The following FXR1 variants were observed in gnomAD, a reference collection of about 807,000 sequenced individuals.
The protein encoded by FXR1 is FMR1 autosomal homolog 1, also known as RNA-binding protein FXR1.
Under a neutral mutation model 84.0 loss-of-function variants are expected in FXR1, and 15 were observed. The ratio of observed to expected loss-of-function variants is 0.18; its 90% confidence interval spans 0.12 to 0.27. FXR1 has a LOEUF of 0.27. FXR1 is among the 10% of genes least tolerant of loss of function. The pLI is 1.00. For synonymous variants in FXR1, 245 were observed against 250.7 expected (o/e 0.98, Z 0.21); for missense variants, 480 against 774.4 (o/e 0.62, Z 4.51).
chr3:180,963,109 T>A lies in FXR1; in HGVS notation c.1198+19T>A, dbSNP rs988654225. The A allele has an allele frequency of 2.6e-6, 3 of 1,158,578 alleles. No individual in the cohort carries two copies. The highest frequency in any genetic ancestry group is 3.8e-6 in the Non-Finnish European group (3 of 793,068). The allele number at this position is 1,158,578 out of a possible 1,614,324, so 71.8% of individuals were successfully genotyped here. ...GGTTATGGTAAAAAAAAATTTTTTT[T>A]TTTTTTTTTTGGTAATAGTAATAAT... On this transcript the variant is annotated intron_variant, in intron 13 of 16. Transcript: ENST00000357559.
intron 1 of FXR1, among the ~76,000 whole-genome samples, chr3:180,922,827 T>C (rs941058831): frequency 1.3e-5 from 2 of 152,184 alleles, no homozygotes; most frequent in Non-Finnish European, 2.9e-5. Flanking sequence ...TTGCCCAGGC[T>C]GGCCTCCAAC....
At chr3:180,931,252 G>C (rs1312469419) in intron 1 of FXR1, among the ~76,000 whole-genome samples, 1 of 151,928 alleles carries the variant, frequency 6.6e-6, no homozygotes, top group Non-Finnish European at 1.5e-5. Flanking sequence ...GAGTTTTGCT[G>C]TTGTCGCCCA....
intron 1 of FXR1, among the ~76,000 whole-genome samples, chr3:180,920,851 T>G (rs2108425257): frequency 6.6e-6 from 1 of 152,274 alleles, no homozygotes; most frequent in South Asian, 2.1e-4. Context: ...GTTAACTTAT[T>G]CCATTTCAAA....
intron 1 of FXR1, among the ~76,000 whole-genome samples, chr3:180,931,671 T>A (rs1719915360): frequency 6.6e-6 from 1 of 151,912 alleles, no homozygotes; most frequent in Non-Finnish European, 1.5e-5. Context: ...CAGTTTATAT[T>A]TTATAGTCTT....
At chr3:180,970,638 G>A (rs1413871288) in intron 15 of FXR1, 1 of 153,182 alleles carries the variant, frequency 6.5e-6, no homozygotes, top group Non-Finnish European at 1.4e-5. Flanking sequence ...AGCTGGCAAG[G>A]TACTTAGTGC....
chr3:180,966,946 A>C (rs536101877), intron 13 of FXR1, among the ~76,000 whole-genome samples: 3 of 152,354 alleles, frequency 2.0e-5, no homozygotes, highest in African/African-American at 7.2e-5. Flanking sequence ...ATGATAATGT[A>C]GGCCTCTGAT....
chr3:180,941,815 G>C (rs1018561348), intron 3 of FXR1, among the ~76,000 whole-genome samples: 2 of 152,150 alleles, frequency 1.3e-5, no homozygotes, highest in African/African-American at 4.8e-5. Context: ...TATTATTTAG[G>C]TAGAGAAATC....
intron 3 of FXR1, among the ~76,000 whole-genome samples, chr3:180,939,463 C>T (rs1029432979): frequency 6.6e-6 from 1 of 152,064 alleles, no homozygotes; most frequent in Non-Finnish European, 1.5e-5. Flanking sequence ...GGATACAAGT[C>T]AGGAACTGCC....
intron 1 of FXR1, among the ~76,000 whole-genome samples, chr3:180,925,877 C>T (rs1210068568): frequency 6.6e-6 from 1 of 152,040 alleles, no homozygotes; most frequent in Admixed American, 6.6e-5. Flanking sequence ...TTCTCATGGG[C>T]TATATATTTT....
chr3:180,933,835 G>A (rs908933816), intron 2 of FXR1, among the ~76,000 whole-genome samples: 1 of 152,144 alleles, frequency 6.6e-6, no homozygotes, highest in African/African-American at 2.4e-5. Context: ...GCTGGGCTGC[G>A]TGCGGTGGCT....
chr3:180,915,341 C>CA, intron 1 of FXR1: 1 of 570,946 alleles, frequency 1.8e-6, no homozygotes. Flanking sequence ...CCTTTTCAGT[C>CA]AACCATTCCT....
chr3:180,931,026 C>CGAAAAAAAAAAAA (rs1719825973), intron 1 of FXR1, among the ~76,000 whole-genome samples: 1 of 55,642 alleles, frequency 1.8e-5, no homozygotes, highest in South Asian at 1.2e-3. Flanking sequence ...GAGACTGCCT[C>CGAAAAAAAAAAAA]AAAAAAAAAA....
chr3:180,939,955 A>T (rs1241601326), intron 3 of FXR1, among the ~76,000 whole-genome samples: 1 of 152,214 alleles, frequency 6.6e-6, no homozygotes, highest in Admixed American at 6.5e-5. Context: ...AGAAATGGTT[A>T]AGTATTGACA....
At chr3:180,966,097 TC>T (rs899373565) in intron 13 of FXR1, among the ~76,000 whole-genome samples, 1 of 152,186 alleles carries the variant, frequency 6.6e-6, no homozygotes, top group African/African-American at 2.4e-5. Context: ...GCTTTTTTTT[TC>T]ACTATTCAAG....
At chr3:180,974,362 C>A (rs964723186) in intron 15 of FXR1, among the ~76,000 whole-genome samples, 5 of 152,016 alleles carry the variant, frequency 3.3e-5, no homozygotes, top group Non-Finnish European at 4.4e-5. Flanking sequence ...AGGCTGGTCT[C>A]GAACTCCTGA....
At chr3:180,966,130 A>G (rs1008911018) in intron 13 of FXR1, among the ~76,000 whole-genome samples, 2 of 152,152 alleles carry the variant, frequency 1.3e-5, no homozygotes, top group African/African-American at 4.8e-5. Context: ...TGCCTTCATT[A>G]CAACTTTTAT....
intron 3 of FXR1, among the ~76,000 whole-genome samples, chr3:180,942,553 G>A (rs1041672149): frequency 6.6e-6 from 1 of 152,042 alleles, no homozygotes; most frequent in Non-Finnish European, 1.5e-5. Context: ...TTGGTGGAAA[G>A]AATCCTGAAA....
At chr3:180,928,681 A>C (rs561311832) in intron 1 of FXR1, among the ~76,000 whole-genome samples, 73 of 152,040 alleles carry the variant, frequency 4.8e-4, no homozygotes, top group African/African-American at 1.7e-3. Context: ...TGTTGCTGTA[A>C]GTAGAATTTT....
chr3:180,932,153 C>T (rs189689939), intron 1 of FXR1, among the ~76,000 whole-genome samples: 1 of 136,238 alleles, frequency 7.3e-6, no homozygotes, highest in African/African-American at 2.7e-5. Flanking sequence ...TGGGTTTATT[C>T]CTTCAAATCT....
Sources: gnomAD v4.1 joint callset for allele counts (sites outside exome capture counted in the v4.1 genomes callset) on GRCh38, gnomAD v4.1.1 for gene constraint, MANE v1.5 for transcripts, NCBI Gene and HGNC (gene_info 2026-07-23, HGNC 2026-07-21) for gene names.